Variants in PICALM observed in about 807,000 individuals in gnomAD.
PICALM encodes phosphatidylinositol-binding clathrin assembly protein.
PICALM carries 40 observed loss-of-function variants against 80.5 expected under a neutral mutation model. The observed-to-expected ratio is 0.50, with a 90% CI of 0.39 to 0.65. The LOEUF is 0.65. Among genes scored for constraint, PICALM ranks in the 30% least tolerant of loss-of-function variants. PICALM has a pLI of 0.00. For missense variants in PICALM, 676 were observed against 778.9 expected (o/e 0.87, Z 1.57); for synonymous variants, 288 against 260.3 (o/e 1.11, Z -1.02).
At chr11:85,960,618 G>T in intron 19 of PICALM, 1 of 699,214 alleles carries the variant, frequency 1.4e-6, no homozygotes, top group Non-Finnish European at 2.3e-6. Flanking sequence ...TGTGTTTAAT[G>T]TTTGGTAATT....
chr11:86,023,151 C>T (rs2095595168), intron 3 of PICALM, among the ~76,000 whole-genome samples: 2 of 152,086 alleles, frequency 1.3e-5, no homozygotes, highest in African/African-American at 4.8e-5. Flanking sequence ...TAGTTATTAC[C>T]TGGCTCAAGG....
intron 7 of PICALM, among the ~76,000 whole-genome samples, chr11:86,008,951 C>CA (rs1565392146): frequency 1.5e-5 from 2 of 133,330 alleles, no homozygotes; most frequent in East Asian, 4.4e-4. Flanking sequence ...AAAAAAAAAG[C>CA]CAAAAAAAAA....
chr11:85,981,648 T>C, intron 16 of PICALM, 97 bp downstream of exon 16: 1 of 843,096 alleles, frequency 1.2e-6, no homozygotes, highest in East Asian at 2.5e-5. Flanking sequence ...TCTCTACACA[T>C]ATTTTTGAGA....
At chr11:86,039,442 T>C (rs1420547339) in intron 1 of PICALM, among the ~76,000 whole-genome samples, 1 of 151,714 alleles carries the variant, frequency 6.6e-6, no homozygotes, top group East Asian at 1.9e-4. Flanking sequence ...AAGGCAATCC[T>C]CCCCCCACCA....
In PICALM at chr11:86,012,357, A is replaced by G. The variant is rs79317992; in HGVS notation, c.582T>C (p.Asn194=). The G allele has an allele frequency of 1.1e-5, 18 of 1,610,382 alleles. No individual in the cohort carries two copies. In the East Asian group the frequency reaches 4.0e-4, roughly 36 times the overall value. The change falls in exon 6 of 20, where the codon AAT becomes AAC. Residue 194 remains asparagine (N), a synonymous_variant. Coordinates refer to ENST00000393346, the MANE Select transcript of PICALM (RefSeq NM_007166.4). ...NSNELTNGVI[N]AAFMLLFKDA... ...CTTTGAACAGGAGCATGAAGGCAGC[A>G]TTTATTACCCCATTTGTAAGTTCAT... is the stretch of plus-strand genomic sequence containing the variant.
rs796134192 is a variant in PICALM, at chr11:86,022,608, T to A, written c.350-139A>T. 79 of 510,198 alleles carry A rather than the reference T, an allele frequency of 1.5e-4. 1 individual carries two copies. The highest frequency in any genetic ancestry group is 1.3e-3 in the African/African-American group (64 of 49,920). 31.6% of individuals were successfully genotyped at this position (510,198 alleles called of 1,614,324 possible). On this transcript the variant is annotated intron_variant, in intron 3 of 19. Transcript: ENST00000393346. Reference sequence around the variant, plus strand: ...GTCTTGATATCCCAATTCAATTTAGTATGTAAATTAAGTAACTAATTAATA... The same window carrying A: ...GTCTTGATATCCCAATTCAATTTAGAATGTAAATTAAGTAACTAATTAATA...
intron 1 of PICALM, among the ~76,000 whole-genome samples, chr11:86,066,590 C>A (rs2096451383): frequency 6.6e-6 from 1 of 152,178 alleles, no homozygotes; most frequent in Non-Finnish European, 1.5e-5. Flanking sequence ...ATTTTCTCCT[C>A]TTTTTGACAA....
chr11:85,974,836 A>C (rs2094222569), intron 18 of PICALM, 24 bp from the exon 19 acceptor site: 3 of 1,421,930 alleles, frequency 2.1e-6, no homozygotes, highest in Non-Finnish European at 3.0e-6. Flanking sequence ...AAATATCAAA[A>C]GATACTGACT....
At chr11:86,053,569 C>T (rs1210731262) in intron 1 of PICALM, among the ~76,000 whole-genome samples, 4 of 152,092 alleles carry the variant, frequency 2.6e-5, no homozygotes, top group East Asian at 1.9e-4. Flanking sequence ...TTCCTTAAGA[C>T]GAATAAAGTC....
chr11:86,019,307 A>G (rs1022903485), intron 4 of PICALM, among the ~76,000 whole-genome samples: 4 of 151,992 alleles, frequency 2.6e-5, no homozygotes, highest in African/African-American at 7.3e-5. Context: ...TGACGTGTAT[A>G]TGTGTGTGTA....
At chr11:86,049,812 T>G (rs1174890250) in intron 1 of PICALM, among the ~76,000 whole-genome samples, 2 of 150,568 alleles carry the variant, frequency 1.3e-5, no homozygotes, top group Admixed American at 6.6e-5. Context: ...TGAAGGTAGA[T>G]GAACTTAGAG....
At chr11:85,972,939 C>G (rs1262841647) in intron 19 of PICALM, among the ~76,000 whole-genome samples, 1 of 152,122 alleles carries the variant, frequency 6.6e-6, no homozygotes, top group Non-Finnish European at 1.5e-5. Context: ...GAGATTACTG[C>G]TGGTAAAAGT....
At chr11:85,969,167 G>A (rs1416197060) in intron 19 of PICALM, among the ~76,000 whole-genome samples, 1 of 152,130 alleles carries the variant, frequency 6.6e-6, no homozygotes, top group Non-Finnish European at 1.5e-5. Flanking sequence ...AGTGCTTAGA[G>A]TAACCTAGAT....
At chr11:86,037,212 G>A (rs973744271) in intron 1 of PICALM, among the ~76,000 whole-genome samples, 2 of 148,502 alleles carry the variant, frequency 1.3e-5, no homozygotes, top group Non-Finnish European at 3.0e-5. Flanking sequence ...CCAAAGGGCT[G>A]GGGATTACAG....
At chr11:85,964,567 A>G (rs1446209280) in intron 19 of PICALM, among the ~76,000 whole-genome samples, 1 of 152,226 alleles carries the variant, frequency 6.6e-6, no homozygotes, top group African/African-American at 2.4e-5. Flanking sequence ...AAGTAGCTCA[A>G]ATATTCTTAG....
At chr11:86,042,436 A>T (rs1228513353) in intron 1 of PICALM, among the ~76,000 whole-genome samples, 1 of 152,162 alleles carries the variant, frequency 6.6e-6, no homozygotes, top group Non-Finnish European at 1.5e-5. Context: ...AACTGAAAGT[A>T]TTACAGTGCT....
At chr11:85,984,883 T>C (rs2094533401) in intron 13 of PICALM, among the ~76,000 whole-genome samples, 1 of 152,148 alleles carries the variant, frequency 6.6e-6, no homozygotes, top group East Asian at 1.9e-4. Flanking sequence ...CCTAAAAATA[T>C]TAGGTCTGTC....
chr11:86,024,133 C>T (rs1199935087), intron 3 of PICALM, among the ~76,000 whole-genome samples: 1 of 151,884 alleles, frequency 6.6e-6, no homozygotes, highest in Non-Finnish European at 1.5e-5. Context: ...GTCTCTCTTA[C>T]TCCAGCCTCA....
intron 1 of PICALM, among the ~76,000 whole-genome samples, chr11:86,033,861 A>C (rs1218417263): frequency 1.3e-5 from 2 of 152,202 alleles, no homozygotes; most frequent in Non-Finnish European, 2.9e-5. Flanking sequence ...TTTTTTCAAA[A>C]GCATCCAAGA....
Sources: allele counts gnomAD v4.1 joint callset (sites outside exome capture counted in the v4.1 genomes callset), GRCh38; gene constraint gnomAD v4.1.1; transcripts MANE v1.5; gene names NCBI Gene and HGNC (gene_info 2026-07-23, HGNC 2026-07-21).